IRAG2: variants seen among roughly 807,000 people sequenced by gnomAD.
IRAG2 encodes inositol 1,4,5-triphosphate receptor associated 2, also known as lymphoid restricted membrane protein.
A neutral mutation model predicts 69.9 loss-of-function variants in IRAG2; 45 were observed. That is an observed-to-expected ratio of 0.64 (90% CI 0.51 to 0.83). The LOEUF (loss-of-function observed/expected upper bound fraction) is 0.83. Among genes scored for constraint, IRAG2 ranks in the 40% least tolerant of loss-of-function variants. IRAG2 has a pLI of 0.00. For missense variants in IRAG2, 520 were observed against 587.0 expected, an observed-to-expected ratio of 0.89 and a Z score of 1.18; for synonymous variants, 193 against 202.4, an observed-to-expected ratio of 0.95 and a Z score of 0.40.
chr12:25,087,576 C>T (rs1260135861), intron 10 of IRAG2, among the ~76,000 whole-genome samples: 5 of 152,164 alleles, frequency 3.3e-5, no homozygotes, highest in African/African-American at 1.2e-4. Flanking sequence ...CATGTATTTA[C>T]GCCCTTTTTG....
Position 25,072,311 on chromosome 12 carries a change from GTGTCT to G in IRAG2, c.24+2882_24+2886del, listed in dbSNP as rs1159496271. Among the ~76,000 whole-genome samples the G allele has an allele frequency of 3.6e-4, 55 of 152,302 alleles. 2 individuals carry two copies. Among genetic ancestry groups the G allele is most frequent in the African/African-American group, 1.2e-3 (51 of 41,560 alleles). On this transcript the variant is annotated intron_variant, in intron 6 of 21. Transcript: ENST00000556887. Reference sequence around the variant, plus strand: ...CTGTAAGTTCCCTGAAGATTTTCTTGTGTCTTCTGTAGTTTGCAACAGCCCAGGAA... The same window carrying G: ...CTGTAAGTTCCCTGAAGATTTTCTTGTCTGTAGTTTGCAACAGCCCAGGAA...
intron 10 of IRAG2, among the ~76,000 whole-genome samples, chr12:25,087,660 G>A (rs941689509): frequency 6.6e-6 from 1 of 151,984 alleles, no homozygotes; most frequent in Non-Finnish European, 1.5e-5. Flanking sequence ...TGTAGAGCAG[G>A]GGTCCCCAGT....
At chr12:25,029,001 G>A (rs1591930607) in intron 9 of IRAG2, among the ~76,000 whole-genome samples, 1 of 152,220 alleles carries the variant, frequency 6.6e-6, no homozygotes, top group East Asian at 1.9e-4. Flanking sequence ...GGGTTCAAGT[G>A]ATCTTCCCAT....
intron 19 of IRAG2, 135 bp downstream of exon 19, chr12:25,104,193 G>T: frequency 3.4e-6 from 3 of 877,678 alleles, no homozygotes; most frequent in Admixed American, 2.7e-5. Context: ...TATATAAATT[G>T]GTATCTAATT....
chr12:25,016,606 T>A (rs1333287920), intron 5 of IRAG2, among the ~76,000 whole-genome samples: 1 of 151,912 alleles, frequency 6.6e-6, no homozygotes, highest in African/African-American at 2.4e-5. Context: ...CTACTAAAAG[T>A]ACAAAAATTA....
At chr12:25,039,720 A>G (rs560037026) in intron 16 of IRAG2, among the ~76,000 whole-genome samples, 104 of 152,088 alleles carry the variant, frequency 6.8e-4, no homozygotes, top group African/African-American at 1.9e-3. Flanking sequence ...GTGAGCCACC[A>G]CACCCGGCAA....
At chr12:25,027,399 T>TTC (rs1555126654) in intron 9 of IRAG2, among the ~76,000 whole-genome samples, 12 of 136,604 alleles carry the variant, frequency 8.8e-5, no homozygotes, top group Admixed American at 7.4e-4. Flanking sequence ...TTTTTTTTTC[T>TTC]TTTTTTTTTT....
At chr12:25,013,551 T>C (rs1349531362) in intron 3 of IRAG2, among the ~76,000 whole-genome samples, 1 of 152,128 alleles carries the variant, frequency 6.6e-6, no homozygotes, top group Non-Finnish European at 1.5e-5. Flanking sequence ...AGAAAGATAA[T>C]TAATTGTAAA....
At position 25,076,411 on chromosome 12, in the gene IRAG2, C is replaced by T. The variant is rs535234677; in HGVS notation, c.25-2833C>T. Reference sequence around the variant, plus strand: ...ACGTATAGGGCAAAAGAAGGCCTTACACAGAGCATTAGGGCAAATGAGACT... The same window carrying T: ...ACGTATAGGGCAAAAGAAGGCCTTATACAGAGCATTAGGGCAAATGAGACT... On this transcript the variant is annotated intron_variant, in intron 6 of 21. Coordinates refer to ENST00000556887, the MANE Select transcript of IRAG2 (RefSeq NM_001366544.2). 49 of 979,494 alleles carry T rather than the reference C, an allele frequency of 5.0e-5. 1 individual carries two copies. The South Asian group carries it at 1.6e-3, about 32-fold the overall frequency. The allele number at this position is 979,494 out of a possible 1,614,324, so 60.7% of individuals were successfully genotyped here.
At chr12:25,021,235 G>A (rs1944577734) in intron 7 of IRAG2, among the ~76,000 whole-genome samples, 1 of 151,540 alleles carries the variant, frequency 6.6e-6, no homozygotes, top group African/African-American at 2.4e-5. Flanking sequence ...TTCCCAAAGT[G>A]TTGGGATTAT....
At chr12:25,047,811 G>A (rs114401789), upstream of IRAG2, among the ~76,000 whole-genome samples, 2,074 of 152,174 alleles carry the variant, frequency 0.014, 45 homozygotes, top group African/African-American at 0.048. Flanking sequence ...TTATGACTGC[G>A]TAGTATTCCA....
chr12:25,036,449 TG>T (rs973743975), intron 14 of IRAG2: 9 of 394,182 alleles, frequency 2.3e-5, no homozygotes, highest in Non-Finnish European at 4.0e-5. Flanking sequence ...AGAAAGTCAC[TG>T]GGGGCATTAG....
chr12:25,011,020 G>C (rs1212642020), intron 2 of IRAG2, among the ~76,000 whole-genome samples: 1 of 152,114 alleles, frequency 6.6e-6, no homozygotes, highest in Non-Finnish European at 1.5e-5. Context: ...TGTCATTTTG[G>C]TCACCTCCCA....
chr12:25,005,377 A>G (rs1944423210), intron 2 of IRAG2: 4 of 1,078,722 alleles, frequency 3.7e-6, no homozygotes, highest in East Asian at 3.2e-5. Flanking sequence ...TTATCTGTTT[A>G]AACATTTGGT....
chr12:25,075,623 C>G (rs1303871019), intron 6 of IRAG2: 1 of 150,408 alleles, frequency 6.6e-6, no homozygotes, highest in African/African-American at 2.4e-5. Flanking sequence ...TCCATGAGTA[C>G]TTTTGCTACC....
Position 25,083,447 on chromosome 12 carries a change from T to C in IRAG2, c.269T>C (p.Ile90Thr), listed in dbSNP as rs1466135562. Residue 90 changes from isoleucine (I) to threonine (T), a missense_variant, in exon 10 of 22, where the codon ATT (isoleucine) becomes ACT (threonine). By Grantham distance (89) the Ile-to-Thr change is moderately conservative. Transcript: ENST00000556887. Reference protein sequence around the residue: ...AQGTSPAHDNIAFQDSTSKDK... With the variant: ...AQGTSPAHDNTAFQDSTSKDK... ...GGCACAAGTCCAGCTCATGATAATA[T>C]TGCATTCCAAGACTCTACGAGTAAG... The C allele has an allele frequency of 2.5e-6, 4 of 1,612,238 alleles. No individual in the cohort carries two copies. Among genetic ancestry groups the C allele is most frequent in the African/African-American group, 1.3e-5 (1 of 74,878 alleles).
chr12:25,084,446 AATC>A (rs562348948), intron 10 of IRAG2, among the ~76,000 whole-genome samples: 161 of 152,238 alleles, frequency 1.1e-3, no homozygotes, highest in East Asian at 8.5e-3. Flanking sequence ...ATGAATTAAT[AATC>A]ATTAAAGAGT....
upstream of IRAG2, among the ~76,000 whole-genome samples, chr12:25,048,742 G>T (rs541850402): frequency 5.3e-5 from 8 of 152,216 alleles, no homozygotes; most frequent in South Asian, 1.7e-3. Context: ...AGTTTATTTT[G>T]CTGTGCAGAA....
intron 8 of IRAG2, 53 bp downstream of exon 8, chr12:25,079,515 A>AGCC: frequency 6.6e-7 from 1 of 1,514,128 alleles, no homozygotes; most frequent in South Asian, 1.1e-5. Flanking sequence ...TACAGCTTTC[A>AGCC]GCCTGATGTT....
Sources: gnomAD v4.1 joint callset for allele counts (sites outside exome capture counted in the v4.1 genomes callset) on GRCh38, gnomAD v4.1.1 for gene constraint, MANE v1.5 for transcripts, NCBI Gene and HGNC (gene_info 2026-07-23, HGNC 2026-07-21) for gene names.